ZFHX3: variants seen among roughly 807,000 people sequenced by gnomAD.
ZFHX3 encodes the protein zinc finger homeobox 3.
In ZFHX3, 42 loss-of-function variants were observed where a neutral mutation model predicts 279.1. The observed-to-expected ratio is 0.15, with a 90% confidence interval of 0.12 to 0.19. ZFHX3 has a LOEUF of 0.19. Ranked by LOEUF, ZFHX3 falls within the 10% of genes least tolerant of loss-of-function variation. The pLI is 1.00. For synonymous variants in ZFHX3, 2,293 were observed against 1,957.8 expected (o/e 1.17, Z -4.52); for missense variants, 4,981 against 4,754.0 (o/e 1.05, Z -1.40).
intron 5 of ZFHX3, among the ~76,000 whole-genome samples, chr16:73,187,551 G>A (rs1967941342): frequency 1.3e-5 from 2 of 152,190 alleles, no homozygotes; most frequent in Non-Finnish European, 2.9e-5. Context: ...GCAGATGGGG[G>A]CATTTCAGAA....
intron 2 of ZFHX3, chr16:73,504,921 A>G (rs1597361673): frequency 6.6e-6 from 1 of 152,122 alleles, no homozygotes. Flanking sequence ...TTTTAAGTGC[A>G]TAAACAAAAT....
chr16:73,048,343 C>G (rs890408960), upstream of ZFHX3: 11 of 151,734 alleles, frequency 7.2e-5, no homozygotes, highest in Admixed American at 7.2e-4. Flanking sequence ...CCCGCCCGCC[C>G]GCAGGGACCC....
chr16:73,451,836 T>C (rs992503987), intron 3 of ZFHX3, among the ~76,000 whole-genome samples: 1 of 152,158 alleles, frequency 6.6e-6, no homozygotes, highest in African/African-American at 2.4e-5. Context: ...TTTGAACATA[T>C]TTTAGGGGAG....
At chr16:72,927,618 G>A (rs1258774448) in intron 3 of ZFHX3, among the ~76,000 whole-genome samples, 2 of 152,160 alleles carry the variant, frequency 1.3e-5, no homozygotes, top group Non-Finnish European at 2.9e-5. Context: ...GAGGGGCTGG[G>A]AGGTTCCCAG....
chr16:73,279,341 T>C (rs2014399652), intron 4 of ZFHX3, among the ~76,000 whole-genome samples: 1 of 152,160 alleles, frequency 6.6e-6, no homozygotes, highest in Non-Finnish European at 1.5e-5. Context: ...TATTTTATCC[T>C]ACTAGGGGTC....
At chr16:73,197,063 T>G (rs144849955) in intron 5 of ZFHX3, among the ~76,000 whole-genome samples, 10 of 152,300 alleles carry the variant, frequency 6.6e-5, no homozygotes, top group African/African-American at 1.4e-4. Context: ...CCCACCATAA[T>G]TGTTTATGTC....
intron 2 of ZFHX3, among the ~76,000 whole-genome samples, chr16:73,611,155 T>G (rs532112156): frequency 3.3e-5 from 5 of 151,954 alleles, no homozygotes; most frequent in African/African-American, 1.2e-4. Flanking sequence ...GCAGTTTTGG[T>G]TTTTTTTGAG....
chr16:73,631,862 G>A (rs1052953139), intron 2 of ZFHX3, among the ~76,000 whole-genome samples: 4 of 151,494 alleles, frequency 2.6e-5, no homozygotes, highest in Admixed American at 1.3e-4. Flanking sequence ...AGCCGAGATC[G>A]TGCCATTGCA....
At chr16:73,647,362 G>A (rs916698386) in intron 2 of ZFHX3, among the ~76,000 whole-genome samples, 2 of 152,186 alleles carry the variant, frequency 1.3e-5, no homozygotes, top group Non-Finnish European at 2.9e-5. Flanking sequence ...TGGAGCAGGG[G>A]TGTGGTGAGA....
intron 1 of ZFHX3, among the ~76,000 whole-genome samples, chr16:73,007,575 TA>T (rs1487710485): frequency 6.6e-6 from 1 of 152,028 alleles, no homozygotes; most frequent in Non-Finnish European, 1.5e-5. Flanking sequence ...GCTTCCCGAG[TA>T]ACTGGGACTA....
chr16:72,924,600 C>T (rs1221062840), intron 3 of ZFHX3, among the ~76,000 whole-genome samples: 1 of 152,198 alleles, frequency 6.6e-6, no homozygotes, highest in Non-Finnish European at 1.5e-5. Context: ...ACCAGGCCCA[C>T]AGAGAGGCCG....
chr16:73,156,888 A>AT (rs1037824042), intron 5 of ZFHX3, among the ~76,000 whole-genome samples: 1 of 152,008 alleles, frequency 6.6e-6, no homozygotes, highest in African/African-American at 2.4e-5. Context: ...TAATTTATAT[A>AT]TTTTTAGCAG....
rs186293018 is a variant in ZFHX3 at position 73,843,597 on chromosome 16, A to G, written c.-1608+48054T>C. The stretch of plus-strand genomic sequence containing the variant: ...AAATGCATCAGACAAGGAATAGGAA[A>G]TATTGAAAACCCAAGACAACAGCTC... On this transcript the variant is annotated intron_variant, in intron 1 of 17. Coordinates refer to the ZFHX3 transcript ENST00000641206. 9.8e-5 allele frequency among the ~76,000 whole-genome samples: 15 copies of G among 152,342 alleles called. No individual in the cohort carries two copies. In the East Asian group the frequency reaches 2.7e-3, roughly 27 times the overall value.
At chr16:73,804,971 GGA>G (rs149382672) in intron 1 of ZFHX3, among the ~76,000 whole-genome samples, 6 of 137,902 alleles carry the variant, frequency 4.4e-5, no homozygotes, top group East Asian at 2.0e-4. Context: ...AGGGAGGGAG[GGA>G]GAGAGAGAGA....
intron 8 of ZFHX3, among the ~76,000 whole-genome samples, chr16:73,072,744 A>T (rs1178191597): frequency 4.6e-5 from 7 of 152,064 alleles, no homozygotes; most frequent in Non-Finnish European, 8.8e-5. Flanking sequence ...TGTTTTACAA[A>T]TTTTTTGTAG....
At chr16:73,048,282 G>A (rs1490861126), upstream of ZFHX3, 14 of 151,932 alleles carry the variant, frequency 9.2e-5, no homozygotes. Flanking sequence ...GGCAAAGCCT[G>A]ACATCTACAG....
intron 1 of ZFHX3, among the ~76,000 whole-genome samples, chr16:73,008,430 G>C (rs916976484): frequency 6.6e-6 from 1 of 151,900 alleles, no homozygotes; most frequent in African/African-American, 2.4e-5. Flanking sequence ...TGAAACTCTG[G>C]CAAATAAAAA....
chr16:73,482,910 A>G (rs2018895930), intron 2 of ZFHX3, among the ~76,000 whole-genome samples: 1 of 152,226 alleles, frequency 6.6e-6, no homozygotes, highest in African/African-American at 2.4e-5. Flanking sequence ...CATATTGTCA[A>G]TAAAATTAGC....
intron 1 of ZFHX3, among the ~76,000 whole-genome samples, chr16:73,711,117 G>C (rs540836989): frequency 1.3e-5 from 2 of 152,178 alleles, no homozygotes; most frequent in African/African-American, 4.8e-5. Flanking sequence ...GTCCATTTGG[G>C]GGTTGTTTTA....
Sources: allele counts gnomAD v4.1 joint callset (sites outside exome capture counted in the v4.1 genomes callset), GRCh38; gene constraint gnomAD v4.1.1; transcripts MANE v1.5; gene names NCBI Gene and HGNC (gene_info 2026-07-23, HGNC 2026-07-21).